The following FNBP1 variants were observed in gnomAD, a reference collection of about 807,000 sequenced individuals.
FNBP1 encodes formin-binding protein 1.
FNBP1 carries 26 observed loss-of-function variants against 90.6 expected under a neutral mutation model. The ratio of observed to expected loss-of-function variants is 0.29; its 90% CI spans 0.21 to 0.40. The LOEUF is 0.40. Ranked by LOEUF, FNBP1 falls within the 10% of genes least tolerant of loss-of-function variation. The pLI is 1.00. For missense variants in FNBP1, 635 were observed against 768.0 expected, an observed-to-expected ratio of 0.83 and a Z score of 2.05; for synonymous variants, 260 against 265.2, an observed-to-expected ratio of 0.98 and a Z score of 0.19.
intron 1 of FNBP1, among the ~76,000 whole-genome samples, chr9:130,019,865 C>T (rs1028667875): frequency 6.6e-6 from 1 of 151,336 alleles, no homozygotes; most frequent in Non-Finnish European, 1.5e-5. Context: ...GCCCACAATG[C>T]TTATTTTATC....
chr9:129,971,531 C>CA (rs1177040391), intron 4 of FNBP1, among the ~76,000 whole-genome samples: 1 of 152,090 alleles, frequency 6.6e-6, no homozygotes, highest in Non-Finnish European at 1.5e-5. Flanking sequence ...GCTGGGACTA[C>CA]AGGCACATGC....
chr9:130,043,328 G>T (rs1039368433), upstream of FNBP1: 1 of 186,004 alleles, frequency 5.4e-6, no homozygotes, highest in African/African-American at 2.4e-5. Flanking sequence ...TCCCCCGGCC[G>T]GGTCCGCGTC....
At chr9:129,899,163 C>T (rs935576856) in intron 15 of FNBP1, among the ~76,000 whole-genome samples, 3 of 151,650 alleles carry the variant, frequency 2.0e-5, no homozygotes, top group Admixed American at 6.6e-5. Context: ...CTGCAACCTC[C>T]GCCTCCCGGG....
At chr9:129,926,758 C>T (rs1211891401) in intron 8 of FNBP1, among the ~76,000 whole-genome samples, 1 of 151,012 alleles carries the variant, frequency 6.6e-6, no homozygotes. Flanking sequence ...GTGGTGCGGG[C>T]GCCTGTAGTC....
At chr9:129,951,476 A>G (rs1371257681) in intron 6 of FNBP1, among the ~76,000 whole-genome samples, 1 of 148,872 alleles carries the variant, frequency 6.7e-6, no homozygotes, top group Non-Finnish European at 1.5e-5. Flanking sequence ...GGATCTTGCT[A>G]TGTCACCTAG....
At chr9:130,037,524 T>A (rs1245680757) in intron 1 of FNBP1, among the ~76,000 whole-genome samples, 1 of 152,196 alleles carries the variant, frequency 6.6e-6, no homozygotes. Flanking sequence ...TTCGACACAC[T>A]AGGGAAAAAA....
At chr9:129,891,195 C>T (rs1215324382) in intron 16 of FNBP1, among the ~76,000 whole-genome samples, 1 of 151,196 alleles carries the variant, frequency 6.6e-6, no homozygotes, top group African/African-American at 2.4e-5. Context: ...TGCAGTGGCT[C>T]ATACCTGTAA....
At chr9:129,902,840 C>T in intron 13 of FNBP1, 29 bp downstream of exon 13, 1 of 1,611,024 alleles carries the variant, frequency 6.2e-7, no homozygotes, top group Non-Finnish European at 8.5e-7. Flanking sequence ...TCGTTTCCAA[C>T]AAAGCTTTCC....
intron 1 of FNBP1, among the ~76,000 whole-genome samples, chr9:130,034,180 G>T (rs2059088199): frequency 6.6e-6 from 1 of 151,898 alleles, no homozygotes; most frequent in African/African-American, 2.4e-5. Flanking sequence ...AATTAGCCGG[G>T]CAAACGCCTG....
intron 10 of FNBP1, chr9:129,919,366 T>C (rs2131781318): frequency 2.6e-6 from 1 of 383,064 alleles, no homozygotes; most frequent in Middle Eastern, 8.7e-4. Flanking sequence ...TATTTTTCCA[T>C]ACAATGAACT....
intron 6 of FNBP1, among the ~76,000 whole-genome samples, chr9:129,938,185 AT>A (rs2043777420): frequency 6.6e-6 from 1 of 152,136 alleles, no homozygotes; most frequent in South Asian, 2.1e-4. Flanking sequence ...AAATTAATTA[AT>A]TTTTTAAAAA....
At chr9:129,955,358 G>A (rs962983406) in intron 6 of FNBP1, among the ~76,000 whole-genome samples, 2 of 151,522 alleles carry the variant, frequency 1.3e-5, no homozygotes, top group African/African-American at 4.9e-5. Context: ...CTTGGCCTCC[G>A]GAGTAGCTGG....
chr9:129,920,202 G>C (rs2040875341), intron 10 of FNBP1, among the ~76,000 whole-genome samples: 1 of 152,110 alleles, frequency 6.6e-6, no homozygotes, highest in Non-Finnish European at 1.5e-5. Context: ...CACGTTTGAG[G>C]AGTAAGAAAT....
Position 129,992,863 on chromosome 9 carries a change from T to C in FNBP1, c.140+1980A>G, listed in dbSNP as rs868769207. ...CACTGCGCCCAGCCAAGAACACATA[T>C]CTTTTATGCAGATGCTCTTTGGATT... On this transcript the variant is annotated intron_variant, in intron 2 of 16. Transcript: ENST00000446176. Among the ~76,000 whole-genome samples, 88 of 146,058 alleles carry C rather than the reference T, an allele frequency of 6.0e-4. 1 individual carries two copies. Among genetic ancestry groups the C allele is most frequent in the African/African-American group, 2.0e-3 (79 of 39,646 alleles).
At chr9:130,052,992 T>C in the FNBP1 span, among the ~76,000 whole-genome samples, 1 of 152,018 alleles carries the variant, frequency 6.6e-6, no homozygotes, top group Admixed American at 6.6e-5. Flanking sequence ...GGCGCAGGCC[T>C]GTAATTCTAG....
intron 8 of FNBP1, among the ~76,000 whole-genome samples, chr9:129,925,808 G>C (rs2131935905): frequency 6.6e-6 from 1 of 151,588 alleles, no homozygotes; most frequent in East Asian, 2.0e-4. Context: ...TGGCCAGGCT[G>C]GTCTCAAATT....
chr9:130,047,029 G>A (rs368991616), upstream of FNBP1, among the ~76,000 whole-genome samples: 76 of 152,176 alleles, frequency 5.0e-4, no homozygotes, highest in African/African-American at 1.8e-3. Flanking sequence ...CCTACTTGGG[G>A]TGGGGGGCAG....
rs564067039 is a variant in FNBP1 at position 129,899,265 on chromosome 9, A to ATG, written c.1687+698_1687+699dup. Among the ~76,000 whole-genome samples, 8 of 152,100 alleles carry ATG rather than the reference A, an allele frequency of 5.3e-5. No individual in the cohort carries two copies. In the East Asian group the frequency reaches 1.6e-3, roughly 30 times the overall value. On this transcript the variant is annotated intron_variant, in intron 15 of 16. Transcript: ENST00000446176. Reference sequence around the variant, plus strand: ...GCCAGTTTTTGTATTTTTAGTAGAGATGGGATTTCACCATGTTGGCGAGGC... The same window carrying ATG: ...GCCAGTTTTTGTATTTTTAGTAGAGATGTGGGATTTCACCATGTTGGCGAGGC...
At chr9:129,970,339 G>A (rs1419340954) in intron 4 of FNBP1, among the ~76,000 whole-genome samples, 2 of 152,082 alleles carry the variant, frequency 1.3e-5, no homozygotes, top group Non-Finnish European at 2.9e-5. Context: ...CCGAGTAGCT[G>A]GGATTGCAGA....
Sources: allele counts gnomAD v4.1 joint callset (sites outside exome capture counted in the v4.1 genomes callset), GRCh38; gene constraint gnomAD v4.1.1; transcripts MANE v1.5; gene names NCBI Gene and HGNC (gene_info 2026-07-23, HGNC 2026-07-21).